The following ATAD2B variants were observed in gnomAD, a reference collection of about 807,000 sequenced individuals.
ATAD2B encodes the protein ATPase family AAA domain containing 2B.
Under a neutral mutation model 167.6 loss-of-function variants are expected in ATAD2B, and 40 were observed. That is an observed-to-expected ratio of 0.24 (90% CI 0.19 to 0.31). The LOEUF is 0.31. Among genes scored for constraint, ATAD2B ranks in the 10% least tolerant of loss-of-function variants. The pLI, the probability that ATAD2B is intolerant of heterozygous loss-of-function variation, is 1.00. For synonymous variants in ATAD2B, 579 were observed against 596.5 expected, an observed-to-expected ratio of 0.97 and a Z score of 0.43; for missense variants, 1,242 against 1,757.2, an observed-to-expected ratio of 0.71 and a Z score of 5.24.
intron 1 of ATAD2B, among the ~76,000 whole-genome samples, chr2:23,912,802 C>T (rs1307811907): frequency 6.6e-6 from 1 of 151,936 alleles, no homozygotes; most frequent in African/African-American, 2.4e-5. Context: ...ACTAGCCTGG[C>T]CAACACAGTG....
At chr2:23,808,014 A>AAT (rs1558569211) in intron 18 of ATAD2B, among the ~76,000 whole-genome samples, 4 of 103,458 alleles carry the variant, frequency 3.9e-5, no homozygotes, top group African/African-American at 1.5e-4. Flanking sequence ...ATTTATATAT[A>AAT]TTATTTATTT....
chr2:23,796,445 A>T (rs1288252920), intron 19 of ATAD2B, among the ~76,000 whole-genome samples: 2 of 152,194 alleles, frequency 1.3e-5, no homozygotes, highest in Non-Finnish European at 2.9e-5. Context: ...CCAACAGTAA[A>T]ATTACATATG....
intron 6 of ATAD2B, among the ~76,000 whole-genome samples, chr2:23,884,009 T>C (rs1245794910): frequency 1.3e-5 from 2 of 152,000 alleles, no homozygotes; most frequent in South Asian, 2.1e-4. Context: ...CCAGACATGG[T>C]GGTGCACGCC....
chr2:23,826,617 C>G (rs1688299079), intron 15 of ATAD2B, among the ~76,000 whole-genome samples: 2 of 152,006 alleles, frequency 1.3e-5, no homozygotes, highest in South Asian at 4.1e-4. Context: ...AGACTAGAAA[C>G]AAGGTCATAA....
intron 7 of ATAD2B, among the ~76,000 whole-genome samples, chr2:23,878,706 A>T (rs563072366): frequency 6.6e-6 from 1 of 152,068 alleles, no homozygotes; most frequent in African/African-American, 2.4e-5. Context: ...TCTGCTCTTC[A>T]AAAGATACTA....
At chr2:23,686,140 G>A in the ATAD2B span, among the ~76,000 whole-genome samples, 1 of 121,592 alleles carries the variant, frequency 8.2e-6, no homozygotes, top group South Asian at 3.3e-4. Flanking sequence ...GGCATGAGTG[G>A]GGAAGGGCAG....
At chr2:23,840,279 C>T (rs952484582) in intron 13 of ATAD2B, among the ~76,000 whole-genome samples, 1 of 152,140 alleles carries the variant, frequency 6.6e-6, no homozygotes, top group Admixed American at 6.5e-5. Flanking sequence ...ATGCTCTTAA[C>T]CTTTGATGTC....
At chr2:23,702,801 C>T in the ATAD2B span, among the ~76,000 whole-genome samples, 12 of 151,706 alleles carry the variant, frequency 7.9e-5, no homozygotes, top group East Asian at 3.9e-4. Context: ...TCATCCAGCA[C>T]GTTTCTCCAG....
chr2:23,861,567 G>A (rs1157972047), intron 12 of ATAD2B, among the ~76,000 whole-genome samples: 1 of 146,596 alleles, frequency 6.8e-6, no homozygotes, highest in Non-Finnish European at 1.5e-5. Context: ...AGAAAACTAT[G>A]AAACAGAAAT....
In ATAD2B at chr2:23,878,495, A is replaced by G. The variant is rs557986213; in HGVS notation, c.901+2144T>C. 1.7e-4 allele frequency among the ~76,000 whole-genome samples: 25 copies of G among 150,512 alleles called. No individual in the cohort carries two copies. The East Asian group carries it at 2.2e-3, about 13-fold the overall frequency. ...AACACGAAGAAACCCTGTCTCTACT[A>G]AAAACACAAAAAAATTAGCCAGGCG... On this transcript the variant is annotated intron_variant, in intron 7 of 27. Coordinates refer to ENST00000238789, the MANE Select transcript of ATAD2B (RefSeq NM_017552.4).
chr2:23,769,384 G>A (rs913224550), intron 22 of ATAD2B, among the ~76,000 whole-genome samples: 2 of 152,102 alleles, frequency 1.3e-5, no homozygotes, highest in African/African-American at 2.4e-5. Flanking sequence ...AGGTTGCAGT[G>A]AGCCGAGACA....
Position 23,828,937 on chromosome 2 carries a change from T to C in ATAD2B, c.1731A>G (p.Ala577=), listed in dbSNP as rs1293262291. The C allele has an allele frequency of 2.5e-6, 4 of 1,591,918 alleles. No individual in the cohort carries two copies. Among genetic ancestry groups the C allele is most frequent in the Admixed American group, 3.4e-5 (2 of 58,806 alleles). The change falls in exon 15 of 28, where the codon GCA becomes GCG. Residue 577 remains alanine (A), a splice_region_variant and synonymous_variant. Coordinates refer to ENST00000238789, the MANE Select transcript of ATAD2B (RefSeq NM_017552.4). The part of the protein sequence containing the change: ...EFLFNLPDQK[A]RKHILQIHTR... Reference sequence around the variant, plus strand: ...TATGGATCTGTAAGATGTGTTTTCTTGCCTAAGATGAAAAGCACAGATACA... The same window carrying C: ...TATGGATCTGTAAGATGTGTTTTCTCGCCTAAGATGAAAAGCACAGATACA...
Position 23,786,218 on chromosome 2 carries a change from A to C in ATAD2B, c.2782T>G (p.Cys928Gly). The C allele has an allele frequency of 6.4e-7, 1 of 1,571,340 alleles. No homozygotes were observed. Among genetic ancestry groups the C allele is most frequent in the African/African-American group, 1.4e-5 (1 of 73,976 alleles). Residue 928 changes from cysteine (C) to glycine (G), a missense_variant, in exon 21 of 28, where the codon TGT becomes GGT. Cys to Gly is a radical substitution (Grantham distance 159, BLOSUM62 -3). Transcript: ENST00000238789. ...APPRRKHAAL[C>G]AMEVLPLALP... ...GCAAGAGGAAGCACTTCCATAGCAC[A>C]AAGAGCTAGAGAAAACAGAAGAAAA...
At chr2:23,875,446 C>G (rs1246678797) in intron 8 of ATAD2B, among the ~76,000 whole-genome samples, 5 of 152,020 alleles carry the variant, frequency 3.3e-5, no homozygotes. Flanking sequence ...TTGCAGTGAG[C>G]CGAGACTGCG....
At chr2:23,923,521 T>C (rs1704255573) in intron 1 of ATAD2B, among the ~76,000 whole-genome samples, 1 of 152,090 alleles carries the variant, frequency 6.6e-6, no homozygotes, top group African/African-American at 2.4e-5. Flanking sequence ...ACATTCATAA[T>C]AAAAGGGACA....
intron 2 of ATAD2B, among the ~76,000 whole-genome samples, chr2:23,892,194 C>T (rs1446558697): frequency 6.6e-6 from 1 of 152,134 alleles, no homozygotes. Flanking sequence ...GACGGAGTCT[C>T]GCTCTGTGGC....
At chr2:23,815,043 T>C (rs1374556679) in intron 17 of ATAD2B, among the ~76,000 whole-genome samples, 4 of 127,690 alleles carry the variant, frequency 3.1e-5, no homozygotes, top group Admixed American at 8.3e-5. Context: ...GCAAAAAGAA[T>C]GAAATCCGTC....
intron 27 of ATAD2B, among the ~76,000 whole-genome samples, chr2:23,753,919 T>G (rs1221949234): frequency 2.0e-5 from 3 of 152,058 alleles, no homozygotes; most frequent in Non-Finnish European, 4.4e-5. Context: ...TTCTGTATAT[T>G]TACCACCCTA....
chr2:23,756,367 T>C (rs534386889), intron 25 of ATAD2B, among the ~76,000 whole-genome samples: 2 of 152,096 alleles, frequency 1.3e-5, no homozygotes, highest in East Asian at 3.9e-4. Context: ...TTCCTAACTC[T>C]GCTAAAGGAC....
Sources: allele counts gnomAD v4.1 joint callset (sites outside exome capture counted in the v4.1 genomes callset), GRCh38; gene constraint gnomAD v4.1.1; transcripts MANE v1.5; gene names NCBI Gene and HGNC (gene_info 2026-07-23, HGNC 2026-07-21).